Variants in HYDIN observed in about 807,000 individuals in gnomAD.
The protein encoded by HYDIN is HYDIN axonemal central pair apparatus protein.
Under a neutral mutation model 403.9 loss-of-function variants are expected in HYDIN, and 132 were observed. The ratio of observed to expected loss-of-function variants is 0.33; its 90% CI spans 0.28 to 0.38. The LOEUF (loss-of-function observed/expected upper bound fraction) is 0.38, where lower values mean the gene tolerates loss of function less well. Among genes scored for constraint, HYDIN ranks in the 10% least tolerant of loss-of-function variants. The pLI is 1.00. For synonymous variants in HYDIN, 1,202 were observed against 1,891.7 expected (o/e 0.64, Z 9.46); for missense variants, 2,827 against 5,009.5 (o/e 0.56, Z 13.15).
At chr16:70,814,916 T>TAAAAAAGTG (rs1567645009) in intron 84 of HYDIN, among the ~76,000 whole-genome samples, 1 of 149,258 alleles carries the variant, frequency 6.7e-6, no homozygotes. Context: ...GTTATCATCT[T>TAAAAAAGTG]AAAAAAGTGA....
intron 38 of HYDIN, 127 bp downstream of exon 38, chr16:70,961,832 G>C: frequency 3.4e-6 from 2 of 591,348 alleles, no homozygotes; most frequent in Non-Finnish European, 2.9e-6. Context: ...GGGCAGCTGT[G>C]GTGGGCAGGG....
chr16:71,160,039 G>C (rs1203267735), intron 6 of HYDIN, among the ~76,000 whole-genome samples: 1 of 129,182 alleles, frequency 7.7e-6, no homozygotes, highest in Non-Finnish European at 1.6e-5. Flanking sequence ...CCTCCCAAAG[G>C]ATGTGCCCTC....
At chr16:71,199,152 T>C (rs1458027814) in intron 1 of HYDIN, among the ~76,000 whole-genome samples, 1 of 152,232 alleles carries the variant, frequency 6.6e-6, no homozygotes, top group Non-Finnish European at 1.5e-5. Flanking sequence ...TTGTGAAGTG[T>C]TCAAGTCTCT....
chr16:70,902,821 A>ATATATATTTTTTTT, intron 52 of HYDIN, among the ~76,000 whole-genome samples: 1 of 47,310 alleles, frequency 2.1e-5, no homozygotes, highest in African/African-American at 1.2e-4. Flanking sequence ...ATATATATAT[A>ATATATATTTTTTTT]TTTTTTTTTT....
At chr16:70,967,801 G>C (rs1158797831) in intron 36 of HYDIN, among the ~76,000 whole-genome samples, 4 of 152,062 alleles carry the variant, frequency 2.6e-5, no homozygotes, top group African/African-American at 9.6e-5. Context: ...TGCCCAGGCT[G>C]GGCTCAAACT....
In HYDIN at chr16:71,026,553, T is replaced by C. The variant is rs556105117; in HGVS notation, c.3043-1027A>G. On this transcript the variant is annotated intron_variant, in intron 20 of 85. Transcript: ENST00000393567. Reference sequence around the variant, plus strand: ...GTCAGTGTCTTGAGATAAGGGCCTGTGTTCTATTCATCTTTACATCCTCAG... The same window carrying C: ...GTCAGTGTCTTGAGATAAGGGCCTGCGTTCTATTCATCTTTACATCCTCAG... Among the ~76,000 whole-genome samples, 643 of 152,160 alleles carry C rather than the reference T, an allele frequency of 4.2e-3. 5 individuals carry two copies. Among genetic ancestry groups the C allele is most frequent in the African/African-American group, 0.014 (599 of 41,532 alleles).
At chr16:71,110,448 A>AATATATAAAT (rs1202592968) in intron 10 of HYDIN, among the ~76,000 whole-genome samples, 1 of 142,034 alleles carries the variant, frequency 7.0e-6, no homozygotes, top group Non-Finnish European at 1.5e-5. Context: ...TAAATAATAT[A>AATATATAAAT]ATATATAAAT....
chr16:71,011,194 A>G (rs2080070151), intron 23 of HYDIN, among the ~76,000 whole-genome samples: 1 of 152,024 alleles, frequency 6.6e-6, no homozygotes, highest in African/African-American at 2.4e-5. Context: ...AACAGCCACC[A>G]ATTTGGGAGT....
chr16:71,212,358 A>C lies in HYDIN; in HGVS notation c.-24+18204T>G, dbSNP rs1005856044. On this transcript the variant is annotated intron_variant, in intron 1 of 85. Coordinates refer to ENST00000393567, the MANE Select transcript of HYDIN (RefSeq NM_001270974.2). Reference sequence around the variant, plus strand: ...CTTTCAAATGATTCAAGAAAGAGAAAGAGAACCACGAGCAAATGTGGCAGA... The same window carrying C: ...CTTTCAAATGATTCAAGAAAGAGAACGAGAACCACGAGCAAATGTGGCAGA... Among the ~76,000 whole-genome samples the C allele has an allele frequency of 2.8e-4, 42 of 152,206 alleles. 2 individuals are homozygous for C. Among genetic ancestry groups the C allele is most frequent in the Non-Finnish European group, 2.9e-5 (2 of 68,034 alleles).
intron 23 of HYDIN, among the ~76,000 whole-genome samples, chr16:71,002,760 C>T (rs1441687050): frequency 6.6e-6 from 1 of 150,650 alleles, no homozygotes; most frequent in Non-Finnish European, 1.5e-5. Flanking sequence ...TCACTGCAAC[C>T]TTTGCCTCCT....
chr16:71,135,011 C>T (rs2084860689), intron 8 of HYDIN, among the ~76,000 whole-genome samples: 1 of 152,094 alleles, frequency 6.6e-6, no homozygotes, highest in African/African-American at 2.4e-5. Flanking sequence ...TTTGGAGAAA[C>T]AGGAGTTCTG....
intron 1 of HYDIN, among the ~76,000 whole-genome samples, chr16:71,213,721 T>A (rs2088719084): frequency 6.6e-6 from 1 of 152,070 alleles, no homozygotes; most frequent in African/African-American, 2.4e-5. Flanking sequence ...TATGATAAAA[T>A]TCAAAGCCAT....
Position 70,803,457 on chromosome 16 carries a change from G to A in HYDIN, c.*4123C>T, listed in dbSNP as rs2034979343. ...CTGTTGAAACTCTTCTAGACTAGGGGATAACTGATGTGCCTGACTGCATAC... is the reference window on the plus strand; with the variant it reads ...CTGTTGAAACTCTTCTAGACTAGGGAATAACTGATGTGCCTGACTGCATAC... On this transcript the variant is annotated 3_prime_UTR_variant, in exon 86 of 86. Coordinates refer to ENST00000393567, the MANE Select transcript of HYDIN (RefSeq NM_001270974.2). Among the ~76,000 whole-genome samples the A allele has an allele frequency of 6.6e-6, 1 of 152,206 alleles. No individual in the cohort carries two copies. The highest frequency in any genetic ancestry group is 1.5e-5 in the Non-Finnish European group (1 of 68,048).
intron 5 of HYDIN, among the ~76,000 whole-genome samples, chr16:71,172,687 A>C (rs1353493119): frequency 6.6e-6 from 1 of 152,200 alleles, no homozygotes; most frequent in African/African-American, 2.4e-5. Flanking sequence ...CGACATGCTA[A>C]TATACATGGG....
chr16:70,807,365 C>T lies in HYDIN; in HGVS notation c.*215G>A. On this transcript the variant is annotated 3_prime_UTR_variant, in exon 86 of 86. Coordinates refer to ENST00000393567, the MANE Select transcript of HYDIN (RefSeq NM_001270974.2). ...TAGGGACTCACAAGGATTCAGTTGT[C>T]TAAAATATAGAGCTGTTGTGTGTAG... 1 of 524,088 alleles carries T rather than the reference C, an allele frequency of 1.9e-6. No individual in the cohort carries two copies. Among genetic ancestry groups the T allele is most frequent in the Non-Finnish European group, 3.2e-6 (1 of 308,044 alleles). 32.5% of individuals were successfully genotyped at this position (524,088 alleles called of 1,614,324 possible).
chr16:71,054,108 T>C (rs1369728221), intron 18 of HYDIN, among the ~76,000 whole-genome samples: 3 of 152,272 alleles, frequency 2.0e-5, no homozygotes. Context: ...CAGCACGTGC[T>C]AGGCATGAAT....
chr16:71,179,281 A>T (rs2086806004), intron 3 of HYDIN, among the ~76,000 whole-genome samples: 1 of 152,142 alleles, frequency 6.6e-6, no homozygotes, highest in Admixed American at 6.5e-5. Flanking sequence ...GCAAAAACAC[A>T]TGCCTACTTT....
intron 41 of HYDIN, among the ~76,000 whole-genome samples, chr16:70,946,868 G>T (rs1422996131): frequency 6.6e-6 from 1 of 152,212 alleles, no homozygotes; most frequent in East Asian, 1.9e-4. Flanking sequence ...GATCAGGATT[G>T]TGATTTTTGT....
intron 69 of HYDIN, 99 bp from the exon 70 acceptor site, chr16:70,861,000 T>G (rs2039376729): frequency 1.1e-6 from 1 of 909,692 alleles, no homozygotes; most frequent in East Asian, 2.6e-5. Flanking sequence ...GAATGTGAGC[T>G]CTATGGGAGC....
Sources: gnomAD v4.1 joint callset for allele counts (sites outside exome capture counted in the v4.1 genomes callset) on GRCh38, gnomAD v4.1.1 for gene constraint, MANE v1.5 for transcripts, NCBI Gene and HGNC (gene_info 2026-07-23, HGNC 2026-07-21) for gene names.